ZNF804A: variants seen among roughly 807,000 people sequenced by gnomAD.
The protein encoded by ZNF804A is zinc finger protein 804A.
In ZNF804A, 2 loss-of-function variants were observed where a neutral mutation model predicts 16.5. That is an observed-to-expected ratio of 0.12 (90% CI 0.05 to 0.38). ZNF804A has a LOEUF of 0.38. Ranked by LOEUF, ZNF804A falls within the 10% of genes least tolerant of loss-of-function variation. The probability of loss-of-function intolerance (pLI) is 0.99; values close to 1 mark genes in which losing one functional copy is unlikely to be tolerated. For synonymous variants in ZNF804A, 534 were observed against 489.6 expected (o/e 1.09, Z -1.20); for missense variants, 1,473 against 1,390.7 (o/e 1.06, Z -0.94).
intron 1 of ZNF804A, 107 bp downstream of exon 1, chr2:184,599,177 T>A (rs1691007537): frequency 9.0e-6 from 8 of 885,700 alleles, no homozygotes; most frequent in Non-Finnish European, 1.3e-5. Context: ...ATTTACTCAT[T>A]TTTTTATCTG....
chr2:184,752,148 G>T (rs933866350), intron 1 of ZNF804A, among the ~76,000 whole-genome samples: 10 of 151,378 alleles, frequency 6.6e-5, no homozygotes, highest in Non-Finnish European at 1.5e-4. Context: ...CAAAGGAAAA[G>T]AAATAATTAT....
chr2:184,912,055 C>T (rs887821462), intron 2 of ZNF804A, among the ~76,000 whole-genome samples: 3 of 151,822 alleles, frequency 2.0e-5, no homozygotes, highest in Non-Finnish European at 4.4e-5. Context: ...AACAAATCAG[C>T]GACAGTACAT....
intron 1 of ZNF804A, among the ~76,000 whole-genome samples, chr2:184,650,811 T>A (rs1012301052): frequency 1.3e-5 from 2 of 152,046 alleles, no homozygotes; most frequent in African/African-American, 4.8e-5. Flanking sequence ...ATGACACAAA[T>A]GGAAAAACAT....
At chr2:184,737,113 G>C (rs1693631075) in intron 1 of ZNF804A, among the ~76,000 whole-genome samples, 1 of 151,124 alleles carries the variant, frequency 6.6e-6, no homozygotes, top group Non-Finnish European at 1.5e-5. Flanking sequence ...CTGGAGTGTA[G>C]TGGCGCGATC....
intron 1 of ZNF804A, among the ~76,000 whole-genome samples, chr2:184,637,242 C>T (rs1574141504): frequency 6.6e-6 from 1 of 151,972 alleles, no homozygotes; most frequent in African/African-American, 2.4e-5. Flanking sequence ...ATATAGTAAA[C>T]GAGGAGCAGA....
At chr2:184,881,192 A>C (rs1462675839) in intron 2 of ZNF804A, among the ~76,000 whole-genome samples, 2 of 152,030 alleles carry the variant, frequency 1.3e-5, no homozygotes, top group African/African-American at 4.8e-5. Flanking sequence ...CTACTCCCCG[A>C]ATTAACTCAG....
chr2:184,763,945 A>G (rs1258780958), intron 1 of ZNF804A, among the ~76,000 whole-genome samples: 2 of 151,804 alleles, frequency 1.3e-5, no homozygotes, highest in Admixed American at 6.6e-5. Context: ...CTGGCCCAAA[A>G]TGCTTTTTCC....
chr2:184,825,722 G>A (rs1435047757), intron 1 of ZNF804A, among the ~76,000 whole-genome samples: 1 of 151,932 alleles, frequency 6.6e-6, no homozygotes, highest in Non-Finnish European at 1.5e-5. Flanking sequence ...GGGACAAAAT[G>A]GAAAAGAAGT....
chr2:184,745,404 A>C (rs1240115198), intron 1 of ZNF804A, among the ~76,000 whole-genome samples: 2 of 151,718 alleles, frequency 1.3e-5, no homozygotes, highest in Admixed American at 6.6e-5. Context: ...AGTATTAAAG[A>C]TCAATTAGGA....
rs369021988 is a variant in ZNF804A, at chr2:184,634,325, T to C, written c.111+35255T>C. ...GAAAACAAATACTTAACCTGTGTAG[T>C]AGGCAATTGCCCCCCTCAGATGTCC... On this transcript the variant is annotated intron_variant, in intron 1 of 3. Coordinates refer to ENST00000302277, the MANE Select transcript of ZNF804A (RefSeq NM_194250.2). 5.3e-5 allele frequency among the ~76,000 whole-genome samples: 8 copies of C among 152,320 alleles called. No homozygotes were observed. The East Asian group carries it at 7.7e-4, about 15-fold the overall frequency.
chr2:184,724,421 ATCATGGATG>A (rs1169380880), intron 1 of ZNF804A, among the ~76,000 whole-genome samples: 6 of 151,650 alleles, frequency 4.0e-5, no homozygotes, highest in African/African-American at 1.5e-4. Flanking sequence ...CAAAGAGAAC[ATCATGGATG>A]TGATATGATT....
intron 1 of ZNF804A, among the ~76,000 whole-genome samples, chr2:184,681,115 G>A (rs979022389): frequency 9.8e-5 from 15 of 152,320 alleles, no homozygotes; most frequent in Admixed American, 7.8e-4. Context: ...GCAAGATCCA[G>A]GGCAGTAGCA....
At chr2:184,803,714 A>C (rs1389632290) in intron 1 of ZNF804A, among the ~76,000 whole-genome samples, 1 of 152,164 alleles carries the variant, frequency 6.6e-6, no homozygotes, top group Non-Finnish European at 1.5e-5. Context: ...ATACTTCAAC[A>C]AAGGTCTAGG....
chr2:184,763,197 T>C (rs1402491656), intron 1 of ZNF804A, among the ~76,000 whole-genome samples: 1 of 152,114 alleles, frequency 6.6e-6, no homozygotes, highest in Non-Finnish European at 1.5e-5. Flanking sequence ...CCTTAATACC[T>C]TACAATGTGA....
chr2:184,866,318 T>C lies in ZNF804A; in HGVS notation c.112-51T>C, dbSNP rs201508017. On this transcript the variant is annotated intron_variant, in intron 1 of 3. Transcript: ENST00000302277. ...ATAGTTGACAACTGCTAAAACAAAG[T>C]AAACACAGGGGAGAGCTAATTGTAT... is the stretch of plus-strand genomic sequence containing the variant. 4.6e-3 allele frequency: 7,286 copies of C among 1,586,362 alleles called. 26 individuals carry two copies. Among genetic ancestry groups the C allele is most frequent in the Non-Finnish European group, 5.4e-3 (6,215 of 1,160,860 alleles).
intron 1 of ZNF804A, among the ~76,000 whole-genome samples, chr2:184,702,746 T>A (rs552353273): frequency 6.6e-6 from 1 of 152,278 alleles, no homozygotes; most frequent in East Asian, 1.9e-4. Flanking sequence ...AGCAGCAATT[T>A]ACAGTTAATA....
intron 1 of ZNF804A, among the ~76,000 whole-genome samples, chr2:184,769,612 A>T (rs1004130575): frequency 5.3e-5 from 8 of 152,104 alleles, no homozygotes; most frequent in Non-Finnish European, 8.8e-5. Flanking sequence ...TGGCATCTGT[A>T]TATAGGAAAA....
intron 1 of ZNF804A, among the ~76,000 whole-genome samples, chr2:184,656,499 A>G (rs1387354786): frequency 6.6e-6 from 1 of 152,148 alleles, no homozygotes; most frequent in Non-Finnish European, 1.5e-5. Context: ...TAAGGTAGAA[A>G]AAGTAGTGCT....
intron 1 of ZNF804A, among the ~76,000 whole-genome samples, chr2:184,680,666 A>G (rs1011286154): frequency 1.2e-4 from 18 of 152,246 alleles, no homozygotes; most frequent in African/African-American, 4.3e-4. Flanking sequence ...GTCTTGCTCA[A>G]CCTTTACTTG....
Sources: allele counts gnomAD v4.1 joint callset (sites outside exome capture counted in the v4.1 genomes callset), GRCh38; gene constraint gnomAD v4.1.1; transcripts MANE v1.5; gene names NCBI Gene and HGNC (gene_info 2026-07-23, HGNC 2026-07-21).